Variants in LRRC1 observed in about 807,000 individuals in gnomAD.
LRRC1 encodes the protein leucine rich repeat containing 1, also known as leucine-rich repeat-containing protein 1.
In LRRC1, 28 loss-of-function variants were observed where a neutral mutation model predicts 69.9. The ratio of observed to expected loss-of-function variants is 0.40; its 90% CI spans 0.30 to 0.55. The LOEUF (loss-of-function observed/expected upper bound fraction) is 0.55, where lower values mean the gene tolerates loss of function less well. Among genes scored for constraint, LRRC1 ranks in the 20% least tolerant of loss-of-function variants. The pLI is 0.47. For missense variants in LRRC1, 498 were observed against 609.0 expected, an observed-to-expected ratio of 0.82 and a Z score of 1.92; for synonymous variants, 236 against 240.2, an observed-to-expected ratio of 0.98 and a Z score of 0.16.
At chr6:53,800,376 G>A (rs191611848) in intron 1 of LRRC1, among the ~76,000 whole-genome samples, 202 of 147,646 alleles carry the variant, frequency 1.4e-3, no homozygotes, top group African/African-American at 4.9e-3. Context: ...TCAGCCTCTC[G>A]AGTAAGCTGG....
chr6:53,832,886 C>A (rs538284721), intron 1 of LRRC1, among the ~76,000 whole-genome samples: 25 of 152,088 alleles, frequency 1.6e-4, no homozygotes, highest in African/African-American at 5.6e-4. Flanking sequence ...TACATATATA[C>A]AATTTTACAT....
intron 2 of LRRC1, among the ~76,000 whole-genome samples, chr6:53,862,837 C>A (rs1003532755): frequency 1.1e-4 from 16 of 151,968 alleles, no homozygotes; most frequent in African/African-American, 3.6e-4. Flanking sequence ...CATTTTTTTC[C>A]CCCTGCACAC....
At chr6:53,883,372 G>C (rs7750173) in intron 4 of LRRC1, among the ~76,000 whole-genome samples, 29,389 of 152,092 alleles carry the variant, frequency 0.19, 3,632 homozygotes, top group East Asian at 0.26. Context: ...AAAACGAAAA[G>C]TATGTGCCCC....
chr6:53,850,812 A>G (rs998701084), intron 2 of LRRC1, among the ~76,000 whole-genome samples: 3 of 152,234 alleles, frequency 2.0e-5, no homozygotes, highest in African/African-American at 4.8e-5. Context: ...AGAGTCTTTC[A>G]GAGATCCAGG....
chr6:53,831,934 A>G (rs1289370602), intron 1 of LRRC1, among the ~76,000 whole-genome samples: 1 of 152,184 alleles, frequency 6.6e-6, no homozygotes, highest in Non-Finnish European at 1.5e-5. Flanking sequence ...GTTGTCCATG[A>G]TCAGGACTTA....
In LRRC1 at chr6:53,920,716, G is replaced by A. The variant is rs764398145; in HGVS notation, c.1371G>A (p.Ala457=). 45 of 1,614,046 alleles carry A rather than the reference G, an allele frequency of 2.8e-5. No homozygotes were observed. Among genetic ancestry groups the A allele is most frequent in the South Asian group, 5.5e-5 (5 of 91,084 alleles). ...AGCGTGCTGTCAACAGAGTCAGTGC[G>A]ATCCGATTTGTGGAGGATGAGAAAG... ...WNERAVNRVS[A]IRFVEDEKDE... The change falls in exon 13 of 14, where the codon GCG becomes GCA. Residue 457 remains alanine, a synonymous_variant. Coordinates refer to ENST00000370888, the MANE Select transcript of LRRC1 (RefSeq NM_018214.5).
rs895631029 is a variant in LRRC1 at position 53,913,939 on chromosome 6, A to G, written c.1076A>G (p.Glu359Gly). 6.2e-7 allele frequency: 1 copy of G among 1,612,204 alleles called. No homozygotes were observed. The highest frequency in any genetic ancestry group is 1.3e-5 in the African/African-American group (1 of 74,908). ...CCTGCAGAGGTGTCACAGGCAACAGAACTTCATGTCCTGGATGTGGCAGGG... is the reference window on the plus strand; with the variant it reads ...CCTGCAGAGGTGTCACAGGCAACAGGACTTCATGTCCTGGATGTGGCAGGG... ...RIPAEVSQAT[E>G]LHVLDVAGNR... Residue 359 changes from glutamate to glycine, a missense_variant, in exon 11 of 14, where the codon GAA becomes GGA. Transcript: ENST00000370888.
intron 11 of LRRC1, among the ~76,000 whole-genome samples, chr6:53,917,184 T>C (rs1768592967): frequency 6.6e-6 from 1 of 152,182 alleles, no homozygotes; most frequent in Non-Finnish European, 1.5e-5. Flanking sequence ...CATGTGTATG[T>C]CTTTTTTTCC....
chr6:53,911,663 G>A (rs751302288), intron 10 of LRRC1, among the ~76,000 whole-genome samples: 16 of 152,230 alleles, frequency 1.1e-4, no homozygotes, highest in Admixed American at 9.8e-4. Context: ...GCATGCAGCC[G>A]TACCTCTGAA....
intron 2 of LRRC1, among the ~76,000 whole-genome samples, chr6:53,844,417 T>A (rs1765877289): frequency 1.3e-5 from 2 of 152,174 alleles, no homozygotes; most frequent in South Asian, 4.1e-4. Flanking sequence ...CCCAGTCCCG[T>A]AATTAACTCT....
intron 4 of LRRC1, chr6:53,883,916 A>C (rs562148239): frequency 2.8e-6 from 2 of 717,678 alleles, no homozygotes; most frequent in Non-Finnish European, 5.2e-6. Flanking sequence ...GAATATTTGC[A>C]GACAGCTTTT....
intron 13 of LRRC1, 110 bp from the exon 14 acceptor site, chr6:53,922,525 A>G (rs1768768257): frequency 1.0e-6 from 1 of 983,052 alleles, no homozygotes; most frequent in African/African-American, 1.6e-5. Flanking sequence ...CCATTTTAAG[A>G]ATTTCTAAGA....
chr6:53,884,022 A>C, intron 4 of LRRC1: 2 of 717,514 alleles, frequency 2.8e-6, no homozygotes, highest in Non-Finnish European at 5.2e-6. Flanking sequence ...CTGATGTTTT[A>C]TCTTTATGCC....
At position 53,795,030 on chromosome 6, in the gene LRRC1, T is replaced by G. The variant is rs1481409997; in HGVS notation, c.-227T>G. The G allele has an allele frequency of 5.2e-6, 2 of 386,982 alleles. No homozygotes were observed. Among genetic ancestry groups the G allele is most frequent in the South Asian group, 6.3e-5 (1 of 15,886 alleles). The allele number at this position is 386,982 out of a possible 1,614,324, so 24.0% of individuals were successfully genotyped here. On this transcript the variant is annotated 5_prime_UTR_variant, in exon 1 of 14. Coordinates refer to ENST00000370888, the MANE Select transcript of LRRC1 (RefSeq NM_018214.5). ...GGCGACGGCGACTGGCGGGTGGGAGTGGAGGCACCGGCTGGCGGGCGGGGG... is the reference window on the plus strand; with the variant it reads ...GGCGACGGCGACTGGCGGGTGGGAGGGGAGGCACCGGCTGGCGGGCGGGGG...
At chr6:53,871,945 G>T (rs1444076545) in intron 2 of LRRC1, among the ~76,000 whole-genome samples, 1 of 152,162 alleles carries the variant, frequency 6.6e-6, no homozygotes, top group Non-Finnish European at 1.5e-5. Flanking sequence ...TGGGATTACA[G>T]GTATGAGCTA....
intron 2 of LRRC1, among the ~76,000 whole-genome samples, chr6:53,843,074 C>T (rs1765838766): frequency 6.6e-6 from 1 of 152,118 alleles, no homozygotes; most frequent in Non-Finnish European, 1.5e-5. Flanking sequence ...CGTAGCAACT[C>T]CCAGTGGTCC....
At chr6:53,884,096 C>A in intron 4 of LRRC1, 4 of 693,640 alleles carry the variant, frequency 5.8e-6, no homozygotes, top group Non-Finnish European at 1.1e-5. Flanking sequence ...ACAGGAAGCC[C>A]TCAATACACT....
intron 2 of LRRC1, among the ~76,000 whole-genome samples, chr6:53,844,078 G>T (rs1003842227): frequency 1.3e-5 from 2 of 152,104 alleles, no homozygotes; most frequent in African/African-American, 4.8e-5. Context: ...GAGCAGCTTC[G>T]CTTACACTGG....
intron 1 of LRRC1, among the ~76,000 whole-genome samples, chr6:53,817,062 A>G (rs781021204): frequency 6.6e-6 from 1 of 152,210 alleles, no homozygotes; most frequent in Non-Finnish European, 1.5e-5. Context: ...TTAAAGACAT[A>G]GAAGAAAAGG....
Sources: gnomAD v4.1 joint callset for allele counts (sites outside exome capture counted in the v4.1 genomes callset) on GRCh38, gnomAD v4.1.1 for gene constraint, MANE v1.5 for transcripts, NCBI Gene and HGNC (gene_info 2026-07-23, HGNC 2026-07-21) for gene names.